The following CSMD1 variants were observed in gnomAD, a reference collection of about 807,000 sequenced individuals.
CSMD1 encodes the protein CUB and sushi domain-containing protein 1.
In CSMD1, 213 loss-of-function variants were observed where a neutral mutation model predicts 417.5. The observed-to-expected ratio is 0.51, with a 90% CI of 0.46 to 0.57. CSMD1 has a LOEUF of 0.57. Among genes scored for constraint, CSMD1 ranks in the 20% least tolerant of loss-of-function variants. The pLI is 0.00. For synonymous variants in CSMD1, 2,862 were observed against 1,736.8 expected (o/e 1.65, Z -16.11); for missense variants, 6,923 against 4,529.7 (o/e 1.53, Z -15.17).
At chr8:3,994,688 G>T (rs994159984) in intron 5 of CSMD1, among the ~76,000 whole-genome samples, 2 of 151,856 alleles carry the variant, frequency 1.3e-5, no homozygotes, top group Non-Finnish European at 1.5e-5. Flanking sequence ...CGAACCCAAC[G>T]TATGTTTAAT....
In CSMD1 at chr8:3,286,084, T is replaced by G. The variant is rs550722492; in HGVS notation, c.3951-1738A>C. ...GAGTGAGAACATGAGGCGTTTGGTT[T>G]TTTGTCCTTGAGATAGTTTGCTGAG... is the stretch of plus-strand genomic sequence containing the variant. On this transcript the variant is annotated intron_variant, in intron 25 of 69. Coordinates refer to ENST00000635120, the MANE Select transcript of CSMD1 (RefSeq NM_033225.6). Among the ~76,000 whole-genome samples the G allele has an allele frequency of 5.3e-3, 812 of 152,202 alleles. 7 individuals carry two copies. The highest frequency in any genetic ancestry group is 8.1e-3 in the Non-Finnish European group (551 of 68,022).
intron 2 of CSMD1, among the ~76,000 whole-genome samples, chr8:4,543,724 C>T (rs1467284943): frequency 7.7e-6 from 1 of 129,742 alleles, no homozygotes; most frequent in Admixed American, 8.5e-5. Flanking sequence ...GTCTTCCAAA[C>T]GGGCTGTACC....
intron 5 of CSMD1, among the ~76,000 whole-genome samples, chr8:3,846,781 C>G (rs770381333): frequency 4.4e-4 from 67 of 152,258 alleles, no homozygotes; most frequent in South Asian, 1.5e-3. Context: ...TCTAGCGATT[C>G]TCCTGTCTCA....
chr8:3,946,714 A>G (rs909955404), intron 5 of CSMD1, among the ~76,000 whole-genome samples: 4 of 151,914 alleles, frequency 2.6e-5, no homozygotes, highest in African/African-American at 9.7e-5. Context: ...TTCATTTTTC[A>G]TATTTTGTTA....
intron 12 of CSMD1, among the ~76,000 whole-genome samples, chr8:3,459,477 C>G (rs1816363129): frequency 6.6e-6 from 1 of 152,156 alleles, no homozygotes; most frequent in Admixed American, 6.5e-5. Flanking sequence ...TATGAAGACC[C>G]CTGGGTGATC....
chr8:2,964,724 G>C (rs1398557255), intron 59 of CSMD1, among the ~76,000 whole-genome samples: 1 of 152,192 alleles, frequency 6.6e-6, no homozygotes, highest in Non-Finnish European at 1.5e-5. Flanking sequence ...GCAGTATTAA[G>C]AGTTACAATA....
chr8:4,469,681 C>A (rs1303806799), intron 2 of CSMD1, among the ~76,000 whole-genome samples: 1 of 152,090 alleles, frequency 6.6e-6, no homozygotes. Context: ...CCAGGGAACT[C>A]TTGTCATCAC....
At chr8:3,079,177 G>A (rs1314160780) in intron 49 of CSMD1, among the ~76,000 whole-genome samples, 1 of 152,106 alleles carries the variant, frequency 6.6e-6, no homozygotes, top group African/African-American at 2.4e-5. Flanking sequence ...TTAAGCAAGG[G>A]CAACTGGGAT....
intron 2 of CSMD1, among the ~76,000 whole-genome samples, chr8:4,506,378 G>C (rs1294157276): frequency 1.3e-5 from 2 of 150,946 alleles, no homozygotes; most frequent in African/African-American, 4.9e-5. Flanking sequence ...ATGAGCCCAA[G>C]TCTAGTGCAA....
intron 5 of CSMD1, among the ~76,000 whole-genome samples, chr8:3,969,154 G>A (rs557895872): frequency 1.3e-5 from 2 of 152,154 alleles, no homozygotes; most frequent in South Asian, 2.1e-4. Flanking sequence ...AGAGGCTGAG[G>A]GAGGAGAATT....
chr8:3,315,145 A>G (rs561685642), intron 23 of CSMD1, among the ~76,000 whole-genome samples: 54 of 152,354 alleles, frequency 3.5e-4, no homozygotes, highest in Non-Finnish European at 6.8e-4. Context: ...AATCTCTTTA[A>G]GAATGACTCT....
intron 3 of CSMD1, among the ~76,000 whole-genome samples, chr8:4,390,714 C>G (rs13260803): frequency 0.26 from 39,978 of 151,362 alleles, 5,851 homozygotes; most frequent in Non-Finnish European, 0.33. Flanking sequence ...GGGGTTTCAC[C>G]ATGTTAGCCA....
At chr8:4,967,762 A>T (rs570476959) in intron 1 of CSMD1, among the ~76,000 whole-genome samples, 4 of 152,272 alleles carry the variant, frequency 2.6e-5, no homozygotes, top group Admixed American at 2.6e-4. Context: ...TTCTTGTGTC[A>T]TGTGACTTAC....
intron 7 of CSMD1, among the ~76,000 whole-genome samples, chr8:3,683,750 C>T (rs1028269901): frequency 2.0e-5 from 3 of 152,128 alleles, no homozygotes; most frequent in African/African-American, 7.2e-5. Context: ...CCCAGGTCTC[C>T]AGACCTAAAA....
At chr8:4,974,190 T>G (rs959457180) in intron 1 of CSMD1, among the ~76,000 whole-genome samples, 4 of 151,658 alleles carry the variant, frequency 2.6e-5, no homozygotes, top group Non-Finnish European at 4.4e-5. Context: ...CTAATTTTTT[T>G]TTTTTTTGTA....
Position 4,422,619 on chromosome 8 carries a change from A to C in CSMD1, c.303-2554T>G, listed in dbSNP as rs73658877. On this transcript the variant is annotated intron_variant, in intron 2 of 69. Coordinates refer to ENST00000635120, the MANE Select transcript of CSMD1 (RefSeq NM_033225.6). ...CCCTGATCTCAGACTTTCAGACTCC[A>C]GAACTGTGAAAAAATAAACCTGTAT... is the stretch of plus-strand genomic sequence containing the variant. 1.9e-3 allele frequency among the ~76,000 whole-genome samples: 291 copies of C among 152,236 alleles called. 4 individuals carry two copies. Among genetic ancestry groups the C allele is most frequent in the African/African-American group, 6.8e-3 (284 of 41,576 alleles).
intron 57 of CSMD1, among the ~76,000 whole-genome samples, chr8:2,968,780 C>G (rs1429517412): frequency 6.6e-6 from 1 of 152,124 alleles, no homozygotes; most frequent in East Asian, 1.9e-4. Context: ...GAAAAGTAAA[C>G]TGGAAGAAGA....
At chr8:4,552,237 A>G (rs529638828) in intron 2 of CSMD1, among the ~76,000 whole-genome samples, 7 of 152,102 alleles carry the variant, frequency 4.6e-5, no homozygotes, top group Non-Finnish European at 8.8e-5. Context: ...CTCCCTTTCA[A>G]GGTTAGTAAC....
chr8:4,794,880 G>C (rs1197308986), intron 1 of CSMD1, among the ~76,000 whole-genome samples: 1 of 152,280 alleles, frequency 6.6e-6, no homozygotes, highest in East Asian at 1.9e-4. Flanking sequence ...GATGACTGCA[G>C]ATTGCAGGTG....
Sources: gnomAD v4.1 joint callset for allele counts (sites outside exome capture counted in the v4.1 genomes callset) on GRCh38, gnomAD v4.1.1 for gene constraint, MANE v1.5 for transcripts, NCBI Gene and HGNC (gene_info 2026-07-23, HGNC 2026-07-21) for gene names.